The following NRXN3 variants were observed in gnomAD, a reference collection of about 807,000 sequenced individuals.
NRXN3 encodes the protein neurexin III.
Under a neutral mutation model 137.6 loss-of-function variants are expected in NRXN3, and 32 were observed. That is an observed-to-expected ratio of 0.23 (90% confidence interval 0.18 to 0.31). The LOEUF is 0.31. Among genes scored for constraint, NRXN3 ranks in the 10% least tolerant of loss-of-function variants. NRXN3 has a pLI of 1.00. For missense variants in NRXN3, 1,574 were observed against 2,062.5 expected, an observed-to-expected ratio of 0.76 and a Z score of 4.59; for synonymous variants, 798 against 784.5, an observed-to-expected ratio of 1.02 and a Z score of -0.29.
chr14:79,163,976 C>A (rs2153073152), intron 15 of NRXN3, among the ~76,000 whole-genome samples: 1 of 151,962 alleles, frequency 6.6e-6, no homozygotes, highest in African/African-American at 2.4e-5. Context: ...CTTGTTCAAC[C>A]AAGATTCCAT....
At chr14:79,652,135 C>T (rs558318975) in intron 16 of NRXN3, among the ~76,000 whole-genome samples, 1 of 152,136 alleles carries the variant, frequency 6.6e-6, no homozygotes, top group Non-Finnish European at 1.5e-5. Context: ...GTCAAAGGGA[C>T]TAACTTTTGT....
At chr14:78,443,389 T>G (rs1393604072) in intron 4 of NRXN3, among the ~76,000 whole-genome samples, 1 of 152,244 alleles carries the variant, frequency 6.6e-6, no homozygotes, top group African/African-American at 2.4e-5. Flanking sequence ...CTCTGCCAGC[T>G]GTTATCCCCC....
At chr14:79,400,547 C>A (rs1390307076) in intron 15 of NRXN3, among the ~76,000 whole-genome samples, 3 of 152,112 alleles carry the variant, frequency 2.0e-5, no homozygotes, top group African/African-American at 7.2e-5. Flanking sequence ...CAAATTAGTT[C>A]CAAAGTCTAC....
intron 16 of NRXN3, among the ~76,000 whole-genome samples, chr14:79,603,914 G>A (rs1214982579): frequency 6.6e-6 from 1 of 152,104 alleles, no homozygotes; most frequent in African/African-American, 2.4e-5. Flanking sequence ...TTGAGACAGA[G>A]TCCAGCTCTG....
intron 16 of NRXN3, among the ~76,000 whole-genome samples, chr14:79,644,655 G>C (rs1474189673): frequency 7.4e-6 from 1 of 135,908 alleles, no homozygotes; most frequent in Non-Finnish European, 1.7e-5. Context: ...TACTTCTATC[G>C]AAGGTTTTTA....
chr14:79,616,297 A>T (rs1342516309), intron 16 of NRXN3, among the ~76,000 whole-genome samples: 1 of 152,058 alleles, frequency 6.6e-6, no homozygotes, highest in Non-Finnish European at 1.5e-5. Context: ...AGAAGAGAGG[A>T]TATGTGTGGG....
intron 4 of NRXN3, among the ~76,000 whole-genome samples, chr14:78,306,757 C>G (rs1432545712): frequency 1.3e-5 from 2 of 152,122 alleles, no homozygotes; most frequent in Admixed American, 1.3e-4. Flanking sequence ...AGATCCTCTG[C>G]TTCAATATTA....
At chr14:78,258,281 A>G (rs2070021686) in intron 2 of NRXN3, among the ~76,000 whole-genome samples, 1 of 152,198 alleles carries the variant, frequency 6.6e-6, no homozygotes, top group Admixed American at 6.5e-5. Flanking sequence ...AGGAATGTAG[A>G]ACAGGAAAGC....
intron 4 of NRXN3, among the ~76,000 whole-genome samples, chr14:78,602,801 T>C (rs12883717): frequency 0.045 from 6,903 of 152,202 alleles, 194 homozygotes; most frequent in Non-Finnish European, 0.057. Context: ...CAGAGATAAC[T>C]TGGGGAAAGC....
intron 15 of NRXN3, among the ~76,000 whole-genome samples, chr14:79,334,116 C>G (rs757593208): frequency 6.6e-6 from 1 of 152,080 alleles, no homozygotes; most frequent in East Asian, 1.9e-4. Flanking sequence ...CTGTGTGAGG[C>G]CCAGGGGATG....
chr14:79,134,019 G>A (rs1301556047), intron 15 of NRXN3, among the ~76,000 whole-genome samples: 2 of 151,964 alleles, frequency 1.3e-5, no homozygotes, highest in Admixed American at 6.5e-5. Flanking sequence ...ACAACCAGTG[G>A]TGTCCTCATT....
At chr14:78,588,948 C>T (rs111244096) in intron 4 of NRXN3, among the ~76,000 whole-genome samples, 11 of 152,232 alleles carry the variant, frequency 7.2e-5, no homozygotes, top group Non-Finnish European at 1.0e-4. Flanking sequence ...AAACACTCAA[C>T]GACAACTTCA....
intron 15 of NRXN3, among the ~76,000 whole-genome samples, chr14:79,348,469 G>A (rs1011983714): frequency 1.7e-4 from 25 of 149,874 alleles, no homozygotes; most frequent in African/African-American, 5.7e-4. Context: ...TCCGCCTCCC[G>A]GGTTCACGCC....
intron 19 of NRXN3, among the ~76,000 whole-genome samples, chr14:79,752,809 A>C (rs1279892339): frequency 6.6e-6 from 1 of 152,118 alleles, no homozygotes; most frequent in Non-Finnish European, 1.5e-5. Flanking sequence ...AAATTTTCAC[A>C]ACCTACTCAT....
chr14:78,307,906 T>A (rs905344647), intron 4 of NRXN3, among the ~76,000 whole-genome samples: 9 of 152,268 alleles, frequency 5.9e-5, no homozygotes, highest in African/African-American at 1.4e-4. Context: ...TTCACTCTTT[T>A]GGGCAAGTTA....
chr14:79,070,188 T>A (rs939520860), intron 15 of NRXN3, among the ~76,000 whole-genome samples: 2 of 152,176 alleles, frequency 1.3e-5, no homozygotes, highest in Non-Finnish European at 2.9e-5. Context: ...AAATTGGTAG[T>A]TTGACTGTCA....
chr14:79,527,164 G>C (rs1447616936), intron 16 of NRXN3, among the ~76,000 whole-genome samples: 1 of 151,522 alleles, frequency 6.6e-6, no homozygotes, highest in East Asian at 2.0e-4. Flanking sequence ...CATGGTGGCA[G>C]AAGCCTGTAA....
chr14:78,202,920 A>G (rs1269754053), intron 1 of NRXN3, among the ~76,000 whole-genome samples: 1 of 152,214 alleles, frequency 6.6e-6, no homozygotes, highest in Admixed American at 6.5e-5. Context: ...AGCCATTAGA[A>G]CACTAGAATA....
chr14:78,452,328 G>A (rs1032327709), intron 4 of NRXN3, among the ~76,000 whole-genome samples: 3 of 152,150 alleles, frequency 2.0e-5, no homozygotes, highest in African/African-American at 7.2e-5. Context: ...ACTTCATAAG[G>A]CTGTTTGGGG....
Sources: allele counts gnomAD v4.1 joint callset (sites outside exome capture counted in the v4.1 genomes callset), GRCh38; gene constraint gnomAD v4.1.1; transcripts MANE v1.5; gene names NCBI Gene and HGNC (gene_info 2026-07-23, HGNC 2026-07-21).